Variants in SH3BGRL observed in about 807,000 individuals in gnomAD.
SH3BGRL encodes the protein SH3 domain binding glutamate rich protein like.
In SH3BGRL, 7 loss-of-function variants were observed where a neutral mutation model predicts 9.8. The ratio of observed to expected loss-of-function variants is 0.72; its 90% CI spans 0.41 to 1.35. SH3BGRL has a LOEUF of 1.35. Among genes scored for constraint, SH3BGRL ranks in the 40% most tolerant of loss-of-function variants. SH3BGRL has a pLI of 0.01. For synonymous variants in SH3BGRL, 36 were observed against 29.1 expected, an observed-to-expected ratio of 1.24 and a Z score of -0.76; for missense variants, 73 against 84.4, an observed-to-expected ratio of 0.86 and a Z score of 0.53.
At chrX:81,226,001 T>C (rs1226517048) in intron 1 of SH3BGRL, among the ~76,000 whole-genome samples, 2 of 111,425 alleles carry the variant, frequency 1.8e-5, no homozygotes, top group Non-Finnish European at 3.8e-5. Context: ...CCATGCTATG[T>C]ACAATAGATC....
intron 1 of SH3BGRL, among the ~76,000 whole-genome samples, chrX:81,206,919 T>C (rs2075549581): frequency 8.9e-6 from 1 of 112,431 alleles, no homozygotes; most frequent in Non-Finnish European, 1.9e-5. Flanking sequence ...TATGAAGTGA[T>C]TTCTGCCTGT....
intron 3 of SH3BGRL, among the ~76,000 whole-genome samples, chrX:81,290,136 A>C (rs1359179650): frequency 2.7e-5 from 3 of 112,141 alleles, no homozygotes; most frequent in African/African-American, 9.7e-5. Context: ...TGGGAATGTA[A>C]ATTAATACAG....
At chrX:81,218,596 G>T (rs1320730379) in intron 1 of SH3BGRL, among the ~76,000 whole-genome samples, 1 of 105,929 alleles carries the variant, frequency 9.4e-6, no homozygotes, top group Non-Finnish European at 1.9e-5. Flanking sequence ...GGCTTGTAGG[G>T]TCTCTGCTGA....
intron 3 of SH3BGRL, among the ~76,000 whole-genome samples, chrX:81,293,850 C>T (rs1468617217): frequency 8.9e-6 from 1 of 111,946 alleles, no homozygotes; most frequent in African/African-American, 3.3e-5. Flanking sequence ...AAGGTCCAGG[C>T]TGAGGTGGTC....
At chrX:81,241,794 G>A (rs779508901) in intron 1 of SH3BGRL, among the ~76,000 whole-genome samples, 107 of 112,426 alleles carry the variant, frequency 9.5e-4, no homozygotes, top group African/African-American at 3.4e-3. Context: ...GCATCACCAC[G>A]TTCCTCTCGT....
chrX:81,202,409 G>T, intron 1 of SH3BGRL, 164 bp downstream of exon 1: 2 of 993,673 alleles, frequency 2.0e-6, no homozygotes, highest in Non-Finnish European at 2.5e-6. Context: ...TTGTTGCATC[G>T]ATTTCATTTT....
intron 1 of SH3BGRL, 134 bp from the exon 2 acceptor site, chrX:81,276,850 A>G (rs938079066): frequency 2.5e-5 from 13 of 519,590 alleles, no homozygotes; most frequent in East Asian, 3.8e-5. Flanking sequence ...TAACAATACA[A>G]TAATAAAGAG....
chrX:81,241,933 C>G (rs1029306670), intron 1 of SH3BGRL, among the ~76,000 whole-genome samples: 1 of 112,575 alleles, frequency 8.9e-6, no homozygotes, highest in Non-Finnish European at 1.9e-5. Flanking sequence ...GCATGCCTGG[C>G]TGGGCGCAGT....
chrX:81,270,904 C>T (rs2075776566), intron 1 of SH3BGRL, among the ~76,000 whole-genome samples: 1 of 111,889 alleles, frequency 8.9e-6, no homozygotes, highest in Admixed American at 9.4e-5. Context: ...GCTGCCCTGC[C>T]ACTTTGTTTA....
At chrX:81,206,264 G>A (rs1360331390) in intron 1 of SH3BGRL, among the ~76,000 whole-genome samples, 1 of 110,501 alleles carries the variant, frequency 9.0e-6, no homozygotes, top group Non-Finnish European at 1.9e-5. Flanking sequence ...CTGTTTTTGA[G>A]GTTTTACCCA....
intron 3 of SH3BGRL, among the ~76,000 whole-genome samples, chrX:81,286,498 CAAAAAAAAAAAAA>C (rs570813241): frequency 2.2e-5 from 1 of 46,397 alleles, no homozygotes; most frequent in African/African-American, 9.3e-5. Flanking sequence ...AGCTACTAGG[CAAAAAAAAAAAAA>C]AAAAAAAAAA....
chrX:81,211,421 T>A (rs1045013418), intron 1 of SH3BGRL, among the ~76,000 whole-genome samples: 3 of 110,808 alleles, frequency 2.7e-5, no homozygotes, highest in Non-Finnish European at 3.8e-5. Flanking sequence ...CCGTCTCTAC[T>A]GAAAATACAA....
At chrX:81,280,454 T>C (rs2075812719) in intron 3 of SH3BGRL, among the ~76,000 whole-genome samples, 1 of 111,620 alleles carries the variant, frequency 9.0e-6, no homozygotes, top group Non-Finnish European at 1.9e-5. Context: ...CAGGCACTGG[T>C]ATGCATGGCT....
intron 1 of SH3BGRL, among the ~76,000 whole-genome samples, chrX:81,263,127 T>C (rs1037941417): frequency 3.7e-5 from 4 of 107,924 alleles, no homozygotes; most frequent in African/African-American, 1.3e-4. Flanking sequence ...ATGGCATCAG[T>C]GGAGAGAGGG....
chrX:81,244,484 A>G (rs1212662550), intron 1 of SH3BGRL, among the ~76,000 whole-genome samples: 1 of 111,720 alleles, frequency 9.0e-6, no homozygotes, highest in Non-Finnish European at 1.9e-5. Context: ...TGTATTTATC[A>G]TCTTCGAATT....
At chrX:81,282,444 A>G (rs2075820675) in intron 3 of SH3BGRL, among the ~76,000 whole-genome samples, 1 of 112,081 alleles carries the variant, frequency 8.9e-6, no homozygotes, top group South Asian at 3.7e-4. Flanking sequence ...ATGAGCCTCA[A>G]TAAATTTAAG....
chrX:81,245,005 G>T (rs778021590), intron 1 of SH3BGRL, among the ~76,000 whole-genome samples: 1 of 111,755 alleles, frequency 8.9e-6, no homozygotes, highest in African/African-American at 3.3e-5. Flanking sequence ...TAGTTCTTGG[G>T]CCTGAAAGTC....
At chrX:81,248,049 C>T (rs1355478621) in intron 1 of SH3BGRL, among the ~76,000 whole-genome samples, 1 of 109,483 alleles carries the variant, frequency 9.1e-6, no homozygotes, top group African/African-American at 3.3e-5. Flanking sequence ...TGTGTGTTTC[C>T]AGGAATATAT....
chrX:81,250,417 A>T (rs924331213), intron 1 of SH3BGRL, among the ~76,000 whole-genome samples: 96 of 110,763 alleles, frequency 8.7e-4, no homozygotes, highest in South Asian at 2.3e-3. Flanking sequence ...AAAAAAAAAA[A>T]AAAATAAAAT....
Sources: gnomAD v4.1 joint callset for allele counts (sites outside exome capture counted in the v4.1 genomes callset) on GRCh38, gnomAD v4.1.1 for gene constraint, MANE v1.5 for transcripts, NCBI Gene and HGNC (gene_info 2026-07-23, HGNC 2026-07-21) for gene names.